SPG11: variants seen among roughly 807,000 people sequenced by gnomAD.
SPG11 encodes spatacsin.
SPG11 carries 222 observed loss-of-function variants against 274.0 expected under a neutral mutation model. The observed-to-expected ratio is 0.81, with a 90% confidence interval of 0.73 to 0.91. SPG11 has a LOEUF of 0.91. SPG11 is among the 40% of genes least tolerant of loss of function. SPG11 has a pLI of 0.00. For missense variants in SPG11, 3,114 were observed against 2,872.7 expected, an observed-to-expected ratio of 1.08 and a Z score of -1.92; for synonymous variants, 1,144 against 1,039.7, an observed-to-expected ratio of 1.10 and a Z score of -1.93.
chr15:44,563,564 C>T (rs536170780), intron 39 of SPG11, among the ~76,000 whole-genome samples: 13 of 152,256 alleles, frequency 8.5e-5, no homozygotes, highest in South Asian at 6.2e-4. Flanking sequence ...TGTTGAACTC[C>T]GGGCCTCAAG....
intron 16 of SPG11, among the ~76,000 whole-genome samples, chr15:44,614,172 T>A (rs1707440634): frequency 6.6e-6 from 1 of 152,194 alleles, no homozygotes; most frequent in Non-Finnish European, 1.5e-5. Flanking sequence ...GGAGACAACA[T>A]TTCTAAGTAA....
intron 10 of SPG11, among the ~76,000 whole-genome samples, chr15:44,627,919 A>G (rs954199568): frequency 5.9e-5 from 9 of 152,322 alleles, no homozygotes; most frequent in South Asian, 4.1e-4. Context: ...TACAGAATGA[A>G]TAAGAGATAC....
At chr15:44,629,073 A>C (rs922368887) in intron 9 of SPG11, among the ~76,000 whole-genome samples, 160 bp downstream of exon 9, 6 of 152,126 alleles carry the variant, frequency 3.9e-5, no homozygotes, top group African/African-American at 1.4e-4. Context: ...CAACTTTCTC[A>C]GTATCAAAAC....
At position 44,607,917 on chromosome 15, in the gene SPG11, G is replaced by T. The variant is rs576156025; in HGVS notation, c.3453+527C>A. ...AGAGAAGCTTTTGATGAAAACAGCA[G>T]ACAGGTATGCTGGTCAACTGTTTGG... On this transcript the variant is annotated intron_variant, in intron 19 of 39. Transcript: ENST00000261866. 3.9e-5 allele frequency among the ~76,000 whole-genome samples: 6 copies of T among 152,316 alleles called. No individual in the cohort carries two copies. In the South Asian group the frequency reaches 1.2e-3, roughly 32 times the overall value.
chr15:44,564,634 A>G lies in SPG11; in HGVS notation c.7064T>C (p.Val2355Ala), dbSNP rs757736340. ...PDWAEILYQQ[V>A]ILKGDFNYLE... ...GTAATTAAAGTCTCCTTTAAGAATC[A>G]CTTGCTGGTATAAAATTTCAGCCCA... is the stretch of plus-strand genomic sequence containing the variant. The change falls in exon 39 of 40, where the codon GTG becomes GCG. Residue 2355 changes from valine to alanine, a missense_variant. Physicochemically the swap from Val to Ala is moderately conservative, Grantham distance 64. Transcript: ENST00000261866. 5 of 1,613,922 alleles carry G rather than the reference A, an allele frequency of 3.1e-6. No individual in the cohort carries two copies. In the African/African-American group the frequency reaches 6.7e-5, roughly 22 times the overall value.
At chr15:44,624,546 T>C (rs1249259563) in intron 11 of SPG11, among the ~76,000 whole-genome samples, 1 of 152,122 alleles carries the variant, frequency 6.6e-6, no homozygotes, top group Admixed American at 6.5e-5. Context: ...GGAGTAGATA[T>C]TGGTCAAAAG....
chr15:44,662,021 T>A (rs2085124159), intron 1 of SPG11, among the ~76,000 whole-genome samples: 1 of 152,208 alleles, frequency 6.6e-6, no homozygotes, highest in Admixed American at 6.5e-5. Context: ...TTACCTTCCC[T>A]GCTGGGTTCT....
intron 29 of SPG11, 81 bp from the exon 30 acceptor site, chr15:44,584,639 T>TA: frequency 6.6e-7 from 1 of 1,521,870 alleles, no homozygotes. Context: ...AAGTATATCA[T>TA]ACTTGTTTGG....
intron 30 of SPG11, among the ~76,000 whole-genome samples, chr15:44,579,398 G>A (rs2082613014): frequency 6.7e-6 from 1 of 149,294 alleles, no homozygotes; most frequent in Admixed American, 6.7e-5. Flanking sequence ...GCTGGGCGTG[G>A]TGGCGCCAGT....
At chr15:44,578,459 A>G (rs935982885) in intron 30 of SPG11, among the ~76,000 whole-genome samples, 2 of 152,106 alleles carry the variant, frequency 1.3e-5, no homozygotes, top group Admixed American at 1.3e-4. Context: ...TGCAAGACAG[A>G]GTGGGGGTAA....
chr15:44,578,948 G>C (rs1464949776), intron 30 of SPG11, among the ~76,000 whole-genome samples: 2 of 152,082 alleles, frequency 1.3e-5, no homozygotes, highest in African/African-American at 4.8e-5. Flanking sequence ...CTGAGGTCAG[G>C]AGTTCGAGAC....
At chr15:44,649,374 A>T (rs2084697344) in intron 6 of SPG11, among the ~76,000 whole-genome samples, 1 of 152,088 alleles carries the variant, frequency 6.6e-6, no homozygotes, top group African/African-American at 2.4e-5. Context: ...AATTTTTAAA[A>T]AACTGTTTTG....
At chr15:44,659,676 A>C (rs1275938441) in intron 2 of SPG11, among the ~76,000 whole-genome samples, 2 of 152,204 alleles carry the variant, frequency 1.3e-5, no homozygotes. Flanking sequence ...TAGAGGCCTG[A>C]GTGCTTTGAT....
chr15:44,608,290 T>A (rs544291696), intron 19 of SPG11, among the ~76,000 whole-genome samples, 154 bp downstream of exon 19: 1 of 152,312 alleles, frequency 6.6e-6, no homozygotes, highest in South Asian at 2.1e-4. Flanking sequence ...ATTTTTGGGT[T>A]GTCTCACTAT....
At chr15:44,569,744 T>A (rs939678277) in intron 34 of SPG11, among the ~76,000 whole-genome samples, 20 of 146,234 alleles carry the variant, frequency 1.4e-4, no homozygotes, top group African/African-American at 4.8e-4. Context: ...TGAGATGGAG[T>A]CTTGCTCTGT....
chr15:44,638,376 C>A (rs2084339211), intron 7 of SPG11, among the ~76,000 whole-genome samples: 1 of 152,074 alleles, frequency 6.6e-6, no homozygotes, highest in African/African-American at 2.4e-5. Context: ...ACAAGAATCG[C>A]TTGAACACAG....
intron 20 of SPG11, among the ~76,000 whole-genome samples, chr15:44,601,717 C>A (rs2083194895): frequency 6.6e-6 from 1 of 152,176 alleles, no homozygotes; most frequent in Non-Finnish European, 1.5e-5. Flanking sequence ...TGCCACCACA[C>A]CTAGCTAATT....
intron 1 of SPG11, among the ~76,000 whole-genome samples, chr15:44,661,735 A>G (rs921513579): frequency 3.7e-4 from 57 of 152,306 alleles, no homozygotes; most frequent in African/African-American, 1.4e-3. Flanking sequence ...TCATTAGCAT[A>G]GGGACAATAT....
At chr15:44,642,875 C>CAAAT (rs1193166450) in intron 7 of SPG11, among the ~76,000 whole-genome samples, 1 of 151,928 alleles carries the variant, frequency 6.6e-6, no homozygotes, top group Non-Finnish European at 1.5e-5. Flanking sequence ...GTCTCATTAA[C>CAAAT]AAATAAATAA....
Sources: gnomAD v4.1 joint callset for allele counts (sites outside exome capture counted in the v4.1 genomes callset) on GRCh38, gnomAD v4.1.1 for gene constraint, MANE v1.5 for transcripts, NCBI Gene and HGNC (gene_info 2026-07-23, HGNC 2026-07-21) for gene names.